Variants in NKAIN3 observed in about 807,000 individuals in gnomAD.
NKAIN3 encodes sodium/potassium-transporting ATPase subunit beta-1-interacting protein 3.
NKAIN3 carries 25 observed loss-of-function variants against 30.2 expected under a neutral mutation model. That is an observed-to-expected ratio of 0.83 (90% CI 0.60 to 1.16). The LOEUF is 1.16. NKAIN3 is among the 50% of genes most tolerant of loss of function. The probability of loss-of-function intolerance (pLI) is 0.00; values close to 1 mark genes in which losing one functional copy is unlikely to be tolerated. For missense variants in NKAIN3, 225 were observed against 254.1 expected, an observed-to-expected ratio of 0.89 and a Z score of 0.78; for synonymous variants, 91 against 89.6, an observed-to-expected ratio of 1.02 and a Z score of -0.09.
intron 6 of NKAIN3, among the ~76,000 whole-genome samples, chr8:62,954,548 A>G (rs1823371498): frequency 6.6e-6 from 1 of 152,238 alleles, no homozygotes; most frequent in Non-Finnish European, 1.5e-5. Flanking sequence ...GGAAGTCAGC[A>G]ACAACAAAAC....
chr8:62,558,299 C>A (rs954489347), intron 1 of NKAIN3, among the ~76,000 whole-genome samples: 7 of 151,982 alleles, frequency 4.6e-5, no homozygotes, highest in African/African-American at 7.2e-5. Context: ...CATGCTGTTT[C>A]AGTGACTATG....
chr8:62,776,967 T>G (rs1337172021), intron 4 of NKAIN3, among the ~76,000 whole-genome samples: 9 of 152,320 alleles, frequency 5.9e-5, no homozygotes. Flanking sequence ...ATATTTTCAC[T>G]GGATATACTC....
chr8:62,948,607 TAA>T (rs1359832432), intron 5 of NKAIN3, among the ~76,000 whole-genome samples: 4 of 152,234 alleles, frequency 2.6e-5, no homozygotes, highest in East Asian at 3.9e-4. Flanking sequence ...TTCTGTGTAT[TAA>T]AAGTGTTTTA....
downstream of NKAIN3, among the ~76,000 whole-genome samples, chr8:62,985,388 G>A (rs1824182223): frequency 6.6e-6 from 1 of 152,168 alleles, no homozygotes; most frequent in Non-Finnish European, 1.5e-5. Context: ...TGAGTCCAGA[G>A]ACATTCTGAA....
intron 1 of NKAIN3, among the ~76,000 whole-genome samples, chr8:62,316,804 T>G (rs1179409392): frequency 6.6e-6 from 1 of 152,204 alleles, no homozygotes; most frequent in Non-Finnish European, 1.5e-5. Flanking sequence ...AGTAATGGGA[T>G]GGCTGGGTCA....
intron 3 of NKAIN3, among the ~76,000 whole-genome samples, chr8:62,637,691 G>C (rs1690580472): frequency 6.6e-6 from 1 of 152,096 alleles, no homozygotes; most frequent in African/African-American, 2.4e-5. Context: ...GCACAGCGAT[G>C]GTTCAAATAG....
intron 3 of NKAIN3, among the ~76,000 whole-genome samples, chr8:62,725,390 G>C (rs1815222066): frequency 6.6e-6 from 1 of 152,024 alleles, no homozygotes; most frequent in Non-Finnish European, 1.5e-5. Context: ...GATCCCAATT[G>C]CCCATTTTTG....
chr8:62,703,573 C>T (rs756357355), intron 3 of NKAIN3, among the ~76,000 whole-genome samples: 14 of 152,234 alleles, frequency 9.2e-5, no homozygotes, highest in African/African-American at 2.6e-4. Context: ...AAATCTTTTG[C>T]GGTAATGCAA....
chr8:62,257,117 C>T (rs551486943), intron 1 of NKAIN3, among the ~76,000 whole-genome samples: 3 of 152,208 alleles, frequency 2.0e-5, no homozygotes, highest in Admixed American at 6.5e-5. Flanking sequence ...GAAATTTACT[C>T]CCTTGGCAAT....
chr8:62,619,383 T>G (rs1811554960), intron 3 of NKAIN3, among the ~76,000 whole-genome samples: 1 of 152,182 alleles, frequency 6.6e-6, no homozygotes, highest in South Asian at 2.1e-4. Context: ...TGATAAAACT[T>G]TTGTCTCCAC....
intron 4 of NKAIN3, among the ~76,000 whole-genome samples, chr8:62,859,942 C>T (rs979312100): frequency 6.6e-6 from 1 of 152,138 alleles, no homozygotes; most frequent in Non-Finnish European, 1.5e-5. Context: ...CTGTAAGAAT[C>T]ACTGTTGCAC....
chr8:62,461,575 G>A (rs12114937), intron 1 of NKAIN3, among the ~76,000 whole-genome samples: 1 of 152,046 alleles, frequency 6.6e-6, no homozygotes, highest in Non-Finnish European at 1.5e-5. Context: ...AATATTGTCT[G>A]AAGAACTAAA....
At position 62,944,415 on chromosome 8, in the gene NKAIN3, T is replaced by A. The variant is rs1477050480; in HGVS notation, c.533-9487T>A. On this transcript the variant is annotated intron_variant, in intron 5 of 6. Transcript: ENST00000623646. The stretch of plus-strand genomic sequence containing the variant: ...TGCCTTTTCACATACATTTTAGAAA[T>A]CAGCATTTTTATTAAACTGCTGAAA... Among the ~76,000 whole-genome samples the A allele has an allele frequency of 1.2e-4, 19 of 152,210 alleles. 1 individual carries two copies. Among genetic ancestry groups the A allele is most frequent in the Non-Finnish European group, 1.5e-5 (1 of 68,024 alleles).
intron 1 of NKAIN3, among the ~76,000 whole-genome samples, chr8:62,382,272 G>A (rs894842804): frequency 6.6e-6 from 1 of 152,062 alleles, no homozygotes; most frequent in Non-Finnish European, 1.5e-5. Context: ...TCATAAAGAA[G>A]AGAAAATATG....
At chr8:62,880,519 T>A (rs749424624) in intron 4 of NKAIN3, among the ~76,000 whole-genome samples, 2 of 152,216 alleles carry the variant, frequency 1.3e-5, no homozygotes, top group Non-Finnish European at 2.9e-5. Context: ...AAGTGTGGGA[T>A]GAGAAGAGAT....
intron 3 of NKAIN3, among the ~76,000 whole-genome samples, chr8:62,659,763 A>AGG (rs2130356051): frequency 6.6e-6 from 1 of 152,236 alleles, no homozygotes; most frequent in African/African-American, 2.4e-5. Context: ...GTGTTGTGGG[A>AGG]GGGACCTAGT....
intron 4 of NKAIN3, among the ~76,000 whole-genome samples, chr8:62,812,697 C>G (rs1753030017): frequency 6.6e-6 from 1 of 151,512 alleles, no homozygotes; most frequent in East Asian, 1.9e-4. Flanking sequence ...AATTGGTATG[C>G]TTTTTACTAC....
At chr8:62,683,462 A>G (rs779353359) in intron 3 of NKAIN3, among the ~76,000 whole-genome samples, 1 of 152,190 alleles carries the variant, frequency 6.6e-6, no homozygotes, top group African/African-American at 2.4e-5. Context: ...GCAGGAAATG[A>G]GATATTATTA....
chr8:62,318,010 T>C (rs1814709804), intron 1 of NKAIN3, among the ~76,000 whole-genome samples: 1 of 152,220 alleles, frequency 6.6e-6, no homozygotes, highest in African/African-American at 2.4e-5. Context: ...GTAAGTTGGA[T>C]TCCTAGGTAT....
Sources: gnomAD v4.1 joint callset for allele counts (sites outside exome capture counted in the v4.1 genomes callset) on GRCh38, gnomAD v4.1.1 for gene constraint, MANE v1.5 for transcripts, NCBI Gene and HGNC (gene_info 2026-07-23, HGNC 2026-07-21) for gene names.